BCAS3: variants seen among roughly 807,000 people sequenced by gnomAD.
BCAS3 encodes BCAS4/BCAS3 fusion.
Under a neutral mutation model 116.1 loss-of-function variants are expected in BCAS3, and 53 were observed. That is an observed-to-expected ratio of 0.46 (90% CI 0.37 to 0.57). BCAS3 has a LOEUF of 0.57. BCAS3 is among the 20% of genes least tolerant of loss of function. The pLI is 0.00. For synonymous variants in BCAS3, 391 were observed against 408.2 expected, an observed-to-expected ratio of 0.96 and a Z score of 0.51; for missense variants, 917 against 1,165.4, an observed-to-expected ratio of 0.79 and a Z score of 3.10.
intron 1 of BCAS3, 25 bp from the exon 2 acceptor site, chr17:60,679,428 G>A (rs553962227): frequency 6.6e-7 from 1 of 1,525,554 alleles, no homozygotes; most frequent in South Asian, 1.1e-5. Flanking sequence ...TCTGTTTTTT[G>A]TTTGTTTGTT....
chr17:61,104,231 C>T lies in BCAS3; in HGVS notation c.2425+19667C>T, dbSNP rs1601259799. Among the ~76,000 whole-genome samples the T allele has an allele frequency of 6.6e-6, 1 of 152,180 alleles. No individual in the cohort carries two copies. The highest frequency in any genetic ancestry group is 1.5e-5 in the Non-Finnish European group (1 of 68,040). ...CATTCCACCTCCCCACCCACAGACT[C>T]ATGTCAGCAAAGATGCTGAGAGTTT... On this transcript the variant is annotated intron_variant, in intron 22 of 23. Transcript: ENST00000407086. This position sits in a 1 kb window ranked among gnomAD's most constrained non-coding sequence, Gnocchi z 4.1.
chr17:61,090,438 A>G (rs990117251), intron 22 of BCAS3, among the ~76,000 whole-genome samples: 20 of 152,342 alleles, frequency 1.3e-4, no homozygotes, highest in Admixed American at 7.2e-4. Flanking sequence ...AGGGGAAAAA[A>G]TATTCAAACT....
rs898308110 is a variant in BCAS3 at position 61,348,833 on chromosome 17, A to G, written c.2426-19494A>G. Among the ~76,000 whole-genome samples the G allele has an allele frequency of 1.3e-5, 2 of 150,954 alleles. No homozygotes were observed. Among genetic ancestry groups the G allele is most frequent in the African/African-American group, 4.9e-5 (2 of 41,048 alleles). ...AGTGGCATGATACCGGCTCACTGCA[A>G]GCTCCGCCTCCCAGGTTAATGCCAT... On this transcript the variant is annotated intron_variant, in intron 22 of 23. Coordinates refer to ENST00000407086, the MANE Select transcript of BCAS3 (RefSeq NM_017679.5). The surrounding 1 kb of genome is among the most constrained non-coding windows in gnomAD (Gnocchi z 4.5).
chr17:61,089,728 C>T lies in BCAS3; in HGVS notation c.2425+5164C>T, dbSNP rs370454159. Among the ~76,000 whole-genome samples, 6 of 151,562 alleles carry T rather than the reference C, an allele frequency of 4.0e-5. No individual in the cohort carries two copies. The South Asian group carries it at 6.3e-4, about 16-fold the overall frequency. On this transcript the variant is annotated intron_variant, in intron 22 of 23. Coordinates refer to ENST00000407086, the MANE Select transcript of BCAS3 (RefSeq NM_017679.5). ...TGTATTTTTAGTAGAGTCGGGGTTT[C>T]ACCATGTTGGCTAGGCTAGTCTCGA...
chr17:60,739,097 A>C (rs147502403), intron 5 of BCAS3, among the ~76,000 whole-genome samples: 1 of 152,150 alleles, frequency 6.6e-6, no homozygotes, highest in Non-Finnish European at 1.5e-5. Context: ...ATGCATGCCC[A>C]CTTTCAAATA....
chr17:61,123,471 GATAATATATACTATAGACAA>G (rs1218348215), intron 22 of BCAS3, among the ~76,000 whole-genome samples: 1 of 151,978 alleles, frequency 6.6e-6, no homozygotes, highest in Non-Finnish European at 1.5e-5. Flanking sequence ...AAATAATAAT[GATAATATATACTATAGACAA>G]AGACCCTATC....
chr17:60,757,392 A>ATGTGTGTG (rs879448369), intron 6 of BCAS3, among the ~76,000 whole-genome samples: 82 of 132,772 alleles, frequency 6.2e-4, no homozygotes, highest in African/African-American at 2.6e-3. Context: ...GCCAGCATGT[A>ATGTGTGTG]TATGTGTGTG....
intron 7 of BCAS3, among the ~76,000 whole-genome samples, chr17:60,845,795 TTTTCTC>T (rs2052465847): frequency 6.6e-6 from 1 of 151,604 alleles, no homozygotes; most frequent in African/African-American, 2.4e-5. Context: ...CTTTTTTTTT[TTTTCTC>T]TCTCTCTCTC....
Position 60,965,304 on chromosome 17 carries a change from C to G in BCAS3, c.1221+17952C>G, listed in dbSNP as rs71373861. Among the ~76,000 whole-genome samples the G allele has an allele frequency of 7.1e-3, 1,069 of 150,912 alleles. 9 individuals are homozygous for G. The highest frequency in any genetic ancestry group is 0.011 in the Non-Finnish European group (753 of 67,810). ...TGGCGCAATCTTGGCTCACTGCAAC[C>G]TCTGCCTCCTGAGTTCAAGTGATTC... is the stretch of plus-strand genomic sequence containing the variant. On this transcript the variant is annotated intron_variant, in intron 14 of 23. Coordinates refer to ENST00000407086, the MANE Select transcript of BCAS3 (RefSeq NM_017679.5).
At chr17:61,154,693 A>G (rs1308868824) in intron 22 of BCAS3, among the ~76,000 whole-genome samples, 2 of 151,982 alleles carry the variant, frequency 1.3e-5, no homozygotes, top group Admixed American at 1.3e-4. Flanking sequence ...CCCTCCCCAC[A>G]TGGGTCTCCT....
At chr17:61,242,508 C>G (rs1478077011) in intron 22 of BCAS3, among the ~76,000 whole-genome samples, 1 of 152,054 alleles carries the variant, frequency 6.6e-6, no homozygotes, top group Non-Finnish European at 1.5e-5. Flanking sequence ...ATATGAGATC[C>G]TTTAGACGTG....
At chr17:61,092,028 C>G (rs1026993918) in intron 22 of BCAS3, among the ~76,000 whole-genome samples, 2 of 152,190 alleles carry the variant, frequency 1.3e-5, no homozygotes, top group African/African-American at 4.8e-5. Context: ...CCAGTTAATA[C>G]TACCAGTGAC....
chr17:60,981,137 A>G (rs1034244120), intron 14 of BCAS3, among the ~76,000 whole-genome samples: 7 of 152,066 alleles, frequency 4.6e-5, no homozygotes, highest in African/African-American at 1.7e-4. Context: ...TGCCCAGCCA[A>G]TGTATTCTTT....
intron 22 of BCAS3, among the ~76,000 whole-genome samples, chr17:61,091,143 T>C (rs1320164256): frequency 6.6e-6 from 1 of 152,196 alleles, no homozygotes; most frequent in Admixed American, 6.5e-5. Context: ...GAATAAATCT[T>C]TGTGTCAACT....
chr17:61,069,918 A>G (rs1393896526), intron 19 of BCAS3: 14 of 1,512,410 alleles, frequency 9.3e-6, no homozygotes, highest in Non-Finnish European at 1.3e-5. Context: ...CTAAAGCCGA[A>G]GCCAAAGCGA....
chr17:61,108,939 G>A (rs953960265), intron 22 of BCAS3, among the ~76,000 whole-genome samples: 1 of 152,074 alleles, frequency 6.6e-6, no homozygotes, highest in African/African-American at 2.4e-5. Flanking sequence ...TGTAATCCCG[G>A]CACTTTAGGT....
intron 6 of BCAS3, among the ~76,000 whole-genome samples, chr17:60,754,527 G>A (rs903615271): frequency 3.3e-5 from 5 of 152,158 alleles, no homozygotes; most frequent in South Asian, 2.1e-4. Context: ...GTAATCCTCC[G>A]TGCCTGGCCT....
At chr17:61,232,683 T>A (rs2082762453) in intron 22 of BCAS3, among the ~76,000 whole-genome samples, 1 of 152,194 alleles carries the variant, frequency 6.6e-6, no homozygotes, top group Admixed American at 6.5e-5. Flanking sequence ...ATCACAATGG[T>A]AGAAAATTCT....
intron 6 of BCAS3, among the ~76,000 whole-genome samples, chr17:60,768,626 C>G (rs889946192): frequency 6.6e-6 from 1 of 152,314 alleles, no homozygotes; most frequent in African/African-American, 2.4e-5. Flanking sequence ...ATCTCCTATT[C>G]TGTTCCTCTA....
Sources: gnomAD v4.1 joint callset for allele counts (sites outside exome capture counted in the v4.1 genomes callset) on GRCh38, gnomAD v4.1.1 for gene constraint, Gnocchi (gnomAD v3.1) non-coding constraint, MANE v1.5 for transcripts, NCBI Gene and HGNC (gene_info 2026-07-23, HGNC 2026-07-21) for gene names.